The following MRPS35 variants were observed in gnomAD, a reference collection of about 807,000 sequenced individuals.
The protein encoded by MRPS35 is small ribosomal subunit protein mS35.
MRPS35 carries 29 observed loss-of-function variants against 32.7 expected under a neutral mutation model. That is an observed-to-expected ratio of 0.89 (90% CI 0.66 to 1.21). The LOEUF (loss-of-function observed/expected upper bound fraction) is 1.21. Among genes scored for constraint, MRPS35 ranks in the 50% most tolerant of loss-of-function variants. The pLI is 0.00. For synonymous variants in MRPS35, 148 were observed against 139.3 expected (o/e 1.06, Z -0.44); for missense variants, 373 against 383.8 (o/e 0.97, Z 0.23).
chr12:27,732,351 T>C (rs2061924965), intron 5 of MRPS35, among the ~76,000 whole-genome samples: 1 of 152,216 alleles, frequency 6.6e-6, no homozygotes, highest in Non-Finnish European at 1.5e-5. Flanking sequence ...TGGCACCAGA[T>C]TTCATTTCTT....
At chr12:27,747,818 G>GA (rs1208158835) in intron 7 of MRPS35, among the ~76,000 whole-genome samples, 11 of 150,298 alleles carry the variant, frequency 7.3e-5, no homozygotes, top group Non-Finnish European at 1.3e-4. Context: ...TTCATACAAG[G>GA]AAAAAAAAAG....
chr12:27,713,194 T>C (rs1212207601), intron 1 of MRPS35, among the ~76,000 whole-genome samples: 1 of 152,242 alleles, frequency 6.6e-6, no homozygotes, highest in East Asian at 1.9e-4. Flanking sequence ...CACCTGCTTG[T>C]CTTCATGGCT....
chr12:27,752,865 G>A (rs2062011184), intron 7 of MRPS35: 1 of 152,106 alleles, frequency 6.6e-6, no homozygotes, highest in South Asian at 2.1e-4. Flanking sequence ...GGCATACCAA[G>A]TTGTTTCAGG....
chr12:27,714,760 G>C lies in MRPS35; in HGVS notation c.113-20G>C. On this transcript the variant is annotated intron_variant, in intron 1 of 7. Transcript: ENST00000081029. ...CATGATAAAATTCTCTTTAACTACT[G>C]TGTTATCTTTTACGTACAGCGGAAA... 1 of 1,593,982 alleles carries C rather than the reference G, an allele frequency of 6.3e-7. No individual in the cohort carries two copies. Among genetic ancestry groups the C allele is most frequent in the East Asian group, 2.2e-5 (1 of 44,698 alleles).
intron 5 of MRPS35, among the ~76,000 whole-genome samples, chr12:27,727,570 A>G (rs1360118147): frequency 6.6e-6 from 1 of 152,130 alleles, no homozygotes; most frequent in Non-Finnish European, 1.5e-5. Context: ...GTACATGACA[A>G]AATCACCTAG....
chr12:27,719,672 CAAA>C (rs34620750), intron 3 of MRPS35, 133 bp from the exon 4 acceptor site: 199 of 411,588 alleles, frequency 4.8e-4, no homozygotes, highest in East Asian at 5.8e-4. Context: ...GACTCTGTCT[CAAA>C]AAAAAAAAAA....
At chr12:27,731,357 T>C (rs1354796245) in intron 5 of MRPS35, among the ~76,000 whole-genome samples, 1 of 152,202 alleles carries the variant, frequency 6.6e-6, no homozygotes, top group Non-Finnish European at 1.5e-5. Flanking sequence ...TTATACTCTG[T>C]GTAGCCTGTA....
At chr12:27,745,786 A>G (rs186125442) in intron 7 of MRPS35, among the ~76,000 whole-genome samples, 5 of 151,830 alleles carry the variant, frequency 3.3e-5, no homozygotes, top group African/African-American at 9.7e-5. Flanking sequence ...TCATTGTTCA[A>G]TTCCCACCTA....
intron 1 of MRPS35, among the ~76,000 whole-genome samples, chr12:27,711,496 C>T (rs1303198743): frequency 1.3e-5 from 2 of 152,122 alleles, no homozygotes; most frequent in Non-Finnish European, 2.9e-5. Flanking sequence ...CGGAGAAGTG[C>T]TATGTAGGGT....
chr12:27,735,749 G>A (rs559378188), intron 6 of MRPS35, among the ~76,000 whole-genome samples, 193 bp downstream of exon 6: 11 of 152,178 alleles, frequency 7.2e-5, no homozygotes, highest in African/African-American at 2.6e-4. Context: ...TTTATGCAGC[G>A]GCATGCTTAG....
chr12:27,731,107 C>T (rs2061920567), intron 5 of MRPS35, among the ~76,000 whole-genome samples: 1 of 152,242 alleles, frequency 6.6e-6, no homozygotes, highest in Non-Finnish European at 1.5e-5. Context: ...TCAAATTGTT[C>T]TGAGTTTAAC....
At chr12:27,753,324 C>T (rs2140787091) in intron 7 of MRPS35, among the ~76,000 whole-genome samples, 1 of 152,264 alleles carries the variant, frequency 6.6e-6, no homozygotes, top group South Asian at 2.1e-4. Flanking sequence ...TTCCTTTCGC[C>T]TCGGTGATCT....
In MRPS35 at chr12:27,755,194, G is replaced by A. The variant is rs375519290; in HGVS notation, c.716G>A (p.Trp239Ter). ...GTTTTGTTTCAGAATACTGAAGAAT[G>A]GGAAAAAAGTAAGACTGAAGCAGAC... The part of the protein sequence containing the change: ...LYHESWNTEE[W>*]EKSKTEADME... Residue 239 changes from tryptophan to a stop codon, truncating the protein, a stop_gained, in exon 8 of 8, where the codon TGG (tryptophan) becomes TAG (stop). Transcript: ENST00000081029. LOFTEE classifies it low-confidence loss of function (END_TRUNC). 1.9e-6 allele frequency: 3 copies of A among 1,542,098 alleles called. No individual in the cohort carries two copies. The highest frequency in any genetic ancestry group is 1.4e-5 in the African/African-American group (1 of 71,112).
intron 1 of MRPS35, among the ~76,000 whole-genome samples, chr12:27,712,990 T>C (rs1360669569): frequency 6.6e-6 from 1 of 152,212 alleles, no homozygotes; most frequent in Non-Finnish European, 1.5e-5. Context: ...CCCTCCGGCC[T>C]GGGTGACGGG....
At chr12:27,715,228 C>T (rs148123145) in intron 2 of MRPS35, among the ~76,000 whole-genome samples, 2,110 of 152,272 alleles carry the variant, frequency 0.014, 37 homozygotes, top group African/African-American at 0.046. Flanking sequence ...CTCTGCCTCC[C>T]GGGTTCAAGT....
chr12:27,714,702 G>T, intron 1 of MRPS35, 78 bp from the exon 2 acceptor site: 1 of 1,015,912 alleles, frequency 9.8e-7, no homozygotes. Context: ...TTAGAATAAT[G>T]GGATCATGAT....
intron 7 of MRPS35, among the ~76,000 whole-genome samples, chr12:27,752,025 A>G (rs1472839385): frequency 1.3e-5 from 2 of 151,948 alleles, no homozygotes; most frequent in African/African-American, 4.8e-5. Context: ...GGATTGCTCT[A>G]GGCCAGGAGT....
At chr12:27,713,848 G>A (rs2061837968) in intron 1 of MRPS35, among the ~76,000 whole-genome samples, 1 of 152,146 alleles carries the variant, frequency 6.6e-6, no homozygotes, top group Admixed American at 6.5e-5. Context: ...AGCACTTTGG[G>A]AGGCTGAGGT....
chr12:27,751,759 A>G (rs1486118865), intron 7 of MRPS35, among the ~76,000 whole-genome samples: 2 of 152,218 alleles, frequency 1.3e-5, no homozygotes, highest in African/African-American at 4.8e-5. Flanking sequence ...GCGCCTGTAC[A>G]ACGGTAGCAG....
Sources: allele counts gnomAD v4.1 joint callset (sites outside exome capture counted in the v4.1 genomes callset), GRCh38; gene constraint gnomAD v4.1.1; transcripts MANE v1.5; gene names NCBI Gene and HGNC (gene_info 2026-07-23, HGNC 2026-07-21).